Variants in TRIO observed in about 807,000 individuals in gnomAD.
TRIO encodes triple functional domain protein.
A neutral mutation model predicts 351.9 loss-of-function variants in TRIO; 58 were observed. That is an observed-to-expected ratio of 0.16 (90% CI 0.13 to 0.21). TRIO has a LOEUF of 0.21. Ranked by LOEUF, TRIO falls within the 10% of genes least tolerant of loss-of-function variation. The pLI is 1.00. For missense variants in TRIO, 3,201 were observed against 4,027.8 expected (o/e 0.79, Z 5.56); for synonymous variants, 1,758 against 1,595.7 (o/e 1.10, Z -2.42).
Position 14,497,126 on chromosome 5 carries a change from C to A in TRIO, c.8019+109C>A. The A allele has an allele frequency of 6.8e-7, 1 of 1,471,396 alleles. No homozygotes were observed. Among genetic ancestry groups the A allele is most frequent in the Non-Finnish European group, 9.1e-7 (1 of 1,098,128 alleles). 91.1% of individuals were successfully genotyped at this position (1,471,396 alleles called of 1,614,324 possible). A position where few individuals can be genotyped will look rare whatever the true frequency, so the allele number is the denominator to read the frequency against. On this transcript the variant is annotated intron_variant, in intron 50 of 56. Transcript: ENST00000344204. The surrounding 1 kb of genome is among the most constrained non-coding windows in gnomAD (Gnocchi z 4.4). ...GCTGGGCTTGCTTATGACCTCCCTC[C>A]CACCCACCAGCCCCGTGCCCTGCGT...
chr5:14,287,214 A>T, intron 4 of TRIO, 151 bp downstream of exon 4: 1 of 736,072 alleles, frequency 1.4e-6, no homozygotes, highest in Non-Finnish European at 2.2e-6. Context: ...TAGTTACTGC[A>T]TGAAATAACA....
chr5:14,300,209 CA>C (rs1442357189), intron 7 of TRIO, among the ~76,000 whole-genome samples: 3 of 152,206 alleles, frequency 2.0e-5, no homozygotes, highest in Non-Finnish European at 4.4e-5. Context: ...GACGCTTTCA[CA>C]GCAGATACCA....
At chr5:14,445,185 C>T (rs1247828712) in intron 34 of TRIO, among the ~76,000 whole-genome samples, 1 of 152,182 alleles carries the variant, frequency 6.6e-6, no homozygotes, top group African/African-American at 2.4e-5. Flanking sequence ...GGTAACAAGC[C>T]ATGGAATTCA....
rs538875831 is a variant in TRIO at position 14,154,356 on chromosome 5, G to A, written c.157+10474G>A. 3.7e-4 allele frequency among the ~76,000 whole-genome samples: 56 copies of A among 152,284 alleles called. No individual in the cohort carries two copies. The Middle Eastern group carries it at 0.01, about 28-fold the overall frequency. Reference sequence around the variant, plus strand: ...ACGGGGCCGGGGAGTGAGAGGGGCAGGAGGGCACCACGGAGCTGCCTTTTT... The same window carrying A: ...ACGGGGCCGGGGAGTGAGAGGGGCAAGAGGGCACCACGGAGCTGCCTTTTT... On this transcript the variant is annotated intron_variant, in intron 1 of 56. Transcript: ENST00000344204.
chr5:14,321,133 A>C (rs1161401837), intron 9 of TRIO, among the ~76,000 whole-genome samples: 1 of 152,254 alleles, frequency 6.6e-6, no homozygotes, highest in Non-Finnish European at 1.5e-5. Context: ...TATCATATTG[A>C]GGGCTACTAG....
intron 1 of TRIO, among the ~76,000 whole-genome samples, chr5:14,172,476 GCA>G (rs1388715367): frequency 1.3e-5 from 2 of 152,198 alleles, no homozygotes; most frequent in Non-Finnish European, 2.9e-5. Context: ...TGTTGACCAG[GCA>G]CACAGAATAA....
intron 16 of TRIO, among the ~76,000 whole-genome samples, 191 bp downstream of exon 16, chr5:14,367,170 G>A (rs1031089505): frequency 2.0e-5 from 3 of 152,074 alleles, no homozygotes; most frequent in African/African-American, 4.8e-5. Context: ...GTGGTGCCAC[G>A]GTGAGGTGAG....
At chr5:14,179,758 T>C (rs1292447171) in intron 1 of TRIO, among the ~76,000 whole-genome samples, 1 of 152,132 alleles carries the variant, frequency 6.6e-6, no homozygotes, top group African/African-American at 2.4e-5. Flanking sequence ...TTTACACATA[T>C]TTTAAGTTCA....
At position 14,288,803 on chromosome 5, in the gene TRIO, C is replaced by G. The variant is rs532236336; in HGVS notation, c.540+1740C>G. On this transcript the variant is annotated intron_variant, in intron 4 of 56. Coordinates refer to ENST00000344204, the MANE Select transcript of TRIO (RefSeq NM_007118.4). ...TTCTTTTGCCAACCAGCACGCCGGA[C>G]CAGCCCTTCTTGTTTTCTCTTTTGG... Among the ~76,000 whole-genome samples, 13 of 152,330 alleles carry G rather than the reference C, an allele frequency of 8.5e-5. No individual in the cohort carries two copies. In the South Asian group the frequency reaches 2.7e-3, roughly 32 times the overall value.
At chr5:14,437,447 A>G (rs962853358) in intron 34 of TRIO, among the ~76,000 whole-genome samples, 1 of 152,170 alleles carries the variant, frequency 6.6e-6, no homozygotes, top group African/African-American at 2.4e-5. Context: ...TACCCCTCAC[A>G]CACTCATGCC....
At chr5:14,447,617 G>A (rs1752535782) in intron 34 of TRIO, among the ~76,000 whole-genome samples, 1 of 152,132 alleles carries the variant, frequency 6.6e-6, no homozygotes. Context: ...TAAAAAATCT[G>A]CGTATAGCCC....
chr5:14,336,754 A>G (rs774454405), intron 11 of TRIO, 27 bp downstream of exon 11: 1 of 1,612,452 alleles, frequency 6.2e-7, no homozygotes, highest in Admixed American at 1.7e-5. Context: ...CCAAAATATG[A>G]TCTGTGCTTG....
chr5:14,159,956 G>A (rs1314810714), intron 1 of TRIO, among the ~76,000 whole-genome samples: 1 of 152,068 alleles, frequency 6.6e-6, no homozygotes, highest in Non-Finnish European at 1.5e-5. Context: ...AAACAGAAAC[G>A]GCATTAATTT....
At chr5:14,193,808 C>G (rs1314933623) in intron 1 of TRIO, among the ~76,000 whole-genome samples, 2 of 152,128 alleles carry the variant, frequency 1.3e-5, no homozygotes, top group Non-Finnish European at 2.9e-5. Flanking sequence ...CACATACATT[C>G]TTATAGCCTC....
chr5:14,165,085 C>G (rs1182705427), intron 1 of TRIO, among the ~76,000 whole-genome samples: 2 of 152,158 alleles, frequency 1.3e-5, no homozygotes, highest in African/African-American at 4.8e-5. Flanking sequence ...CCCGTGTTGC[C>G]CCTTTAAGCC....
intron 9 of TRIO, among the ~76,000 whole-genome samples, chr5:14,325,519 C>T (rs1045308847): frequency 1.4e-4 from 21 of 152,168 alleles, no homozygotes; most frequent in Non-Finnish European, 2.1e-4. Flanking sequence ...TAGACTCACT[C>T]CCTCCCTTGA....
chr5:14,380,249 G>A (rs2152352990), intron 20 of TRIO, among the ~76,000 whole-genome samples: 1 of 151,180 alleles, frequency 6.6e-6, no homozygotes, highest in East Asian at 2.0e-4. Flanking sequence ...GGTGTTCTCA[G>A]TTCCCTCTTC....
chr5:14,225,439 T>C (rs61665335), intron 1 of TRIO, among the ~76,000 whole-genome samples: 5,215 of 152,210 alleles, frequency 0.034, 305 homozygotes, highest in African/African-American at 0.12. Context: ...CACAAGGCCA[T>C]TGGGACTGCA....
At chr5:14,401,294 T>A (rs1291840758) in intron 31 of TRIO, among the ~76,000 whole-genome samples, 1 of 152,204 alleles carries the variant, frequency 6.6e-6, no homozygotes, top group Non-Finnish European at 1.5e-5. Context: ...AAAGGGCAAA[T>A]GAAGCAAGGT....
Sources: gnomAD v4.1 joint callset for allele counts (sites outside exome capture counted in the v4.1 genomes callset) on GRCh38, gnomAD v4.1.1 for gene constraint, Gnocchi (gnomAD v3.1) non-coding constraint, MANE v1.5 for transcripts, NCBI Gene and HGNC (gene_info 2026-07-23, HGNC 2026-07-21) for gene names.